The following DPYSL2 variants were observed in gnomAD, a reference collection of about 807,000 sequenced individuals.
The protein encoded by DPYSL2 is dihydropyrimidinase-related protein 2.
A neutral mutation model predicts 69.9 loss-of-function variants in DPYSL2; 13 were observed. The observed-to-expected ratio is 0.19, with a 90% CI of 0.12 to 0.30. DPYSL2 has a LOEUF of 0.30. Among genes scored for constraint, DPYSL2 ranks in the 10% least tolerant of loss-of-function variants. The pLI, the probability that DPYSL2 is intolerant of heterozygous loss-of-function variation, is 1.00. For synonymous variants in DPYSL2, 326 were observed against 359.1 expected (o/e 0.91, Z 1.04); for missense variants, 587 against 918.9 (o/e 0.64, Z 4.67).
Position 26,653,184 on chromosome 8 carries a change from A to T in DPYSL2, c.1777-48A>T, listed in dbSNP as rs1405880610. ...CCTCCAGGAGGGTTTCTAGAGAGGTATCCTCTGTGGCTGTGGCCTGAGCTG... is the reference window on the plus strand; with the variant it reads ...CCTCCAGGAGGGTTTCTAGAGAGGTTTCCTCTGTGGCTGTGGCCTGAGCTG... On this transcript the variant is annotated intron_variant, in intron 12 of 13. Coordinates refer to ENST00000521913, the MANE Select transcript of DPYSL2 (RefSeq NM_001197293.3). The surrounding 1 kb of genome is among the most constrained non-coding windows in gnomAD (Gnocchi z 5.7). 1 of 1,593,592 alleles carries T rather than the reference A, an allele frequency of 6.3e-7. No individual in the cohort carries two copies. The highest frequency in any genetic ancestry group is 8.6e-7 in the Non-Finnish European group (1 of 1,168,214).
At chr8:26,558,923 A>T (rs2129655474) in intron 1 of DPYSL2, among the ~76,000 whole-genome samples, 1 of 152,288 alleles carries the variant, frequency 6.6e-6, no homozygotes, top group African/African-American at 2.4e-5. Flanking sequence ...CATTGTTTTT[A>T]CTATTTTTAA....
At chr8:26,629,825 G>A (rs1802718151) in intron 7 of DPYSL2, among the ~76,000 whole-genome samples, 1 of 152,154 alleles carries the variant, frequency 6.6e-6, no homozygotes, top group Admixed American at 6.5e-5. Flanking sequence ...GAACTCCTGG[G>A]CTCAAGCTAT....
At position 26,641,579 on chromosome 8, in the gene DPYSL2, G is replaced by A. The variant is rs1803047782; in HGVS notation, c.1127-1860G>A. Among the ~76,000 whole-genome samples, 1 of 152,242 alleles carries A rather than the reference G, an allele frequency of 6.6e-6. No individual in the cohort carries two copies. Among genetic ancestry groups the A allele is most frequent in the South Asian group, 2.1e-4 (1 of 4,836 alleles). ...ATGTGGTGTTTTTCCACTTCGGGAT[G>A]AACCGGAGTGGTTTGTGCAGCCACC... On this transcript the variant is annotated intron_variant, in intron 8 of 13. Transcript: ENST00000521913. The surrounding 1 kb of genome is among the most constrained non-coding windows in gnomAD (Gnocchi z 4.1).
Position 26,647,354 on chromosome 8 carries a change from C to G in DPYSL2, c.1426-276C>G, listed in dbSNP as rs921178401. Among the ~76,000 whole-genome samples, 1 of 152,152 alleles carries G rather than the reference C, an allele frequency of 6.6e-6. No individual in the cohort carries two copies. The highest frequency in any genetic ancestry group is 1.5e-5 in the Non-Finnish European group (1 of 68,028). On this transcript the variant is annotated intron_variant, in intron 10 of 13. Transcript: ENST00000521913. The surrounding 1 kb of genome is among the most constrained non-coding windows in gnomAD (Gnocchi z 5.1). ...TCTAGTCCAGCATTTCAGAGACCAA[C>G]CTCTTGCTGCTCCTCCCCTCCACCC...
rs147069060 is a variant in DPYSL2 at position 26,634,839 on chromosome 8, G to T, written c.1065G>T (p.Leu355=). 1.3e-4 allele frequency: 214 copies of T among 1,614,230 alleles called. No homozygotes were observed. The African/African-American group carries it at 2.6e-3, about 20-fold the overall frequency. The part of the protein sequence containing the change: ...ITIANQTNCP[L]YITKVMSKSS... Reference sequence around the variant, plus strand: ...TCGCCAACCAGACCAACTGCCCGCTGTATATCACCAAGGTGATGAGCAAAA... The same window carrying T: ...TCGCCAACCAGACCAACTGCCCGCTTTATATCACCAAGGTGATGAGCAAAA... Residue 355 remains leucine (L), a synonymous_variant, in exon 8 of 14, where the codon CTG becomes CTT. Coordinates refer to ENST00000521913, the MANE Select transcript of DPYSL2 (RefSeq NM_001197293.3).
At chr8:26,611,237 G>A (rs917030235) in intron 3 of DPYSL2, among the ~76,000 whole-genome samples, 1 of 152,242 alleles carries the variant, frequency 6.6e-6, no homozygotes, top group South Asian at 2.1e-4. Flanking sequence ...AAAGTTCCCA[G>A]GGGACAGTTA....
Position 26,624,068 on chromosome 8 carries a change from C to G in DPYSL2, c.629-75C>G, listed in dbSNP as rs1033740476. On this transcript the variant is annotated intron_variant, in intron 3 of 13. Coordinates refer to ENST00000521913, the MANE Select transcript of DPYSL2 (RefSeq NM_001197293.3). This position sits in a 1 kb window ranked among gnomAD's most constrained non-coding sequence, Gnocchi z 4.7. ...AACCCAAGAAGCCTTATTCAGGGTT[C>G]AAGTGGGAAAATACCTGCTGGCCCA... 5 of 1,542,932 alleles carry G rather than the reference C, an allele frequency of 3.2e-6. No individual in the cohort carries two copies. The highest frequency in any genetic ancestry group is 4.4e-6 in the Non-Finnish European group (5 of 1,129,238).
intron 3 of DPYSL2, among the ~76,000 whole-genome samples, chr8:26,615,033 G>A (rs1008323402): frequency 6.6e-6 from 1 of 152,242 alleles, no homozygotes; most frequent in African/African-American, 2.4e-5. Flanking sequence ...CCACCATCCA[G>A]AGTTCTGCCA....
intron 1 of DPYSL2, among the ~76,000 whole-genome samples, chr8:26,572,403 T>G (rs1159774979): frequency 6.6e-6 from 1 of 152,230 alleles, no homozygotes; most frequent in Non-Finnish European, 1.5e-5. Flanking sequence ...TGCAAAGGGC[T>G]GGCTGGGTGC....
chr8:26,632,383 G>A (rs560589501), intron 7 of DPYSL2, among the ~76,000 whole-genome samples: 2 of 152,350 alleles, frequency 1.3e-5, no homozygotes, highest in East Asian at 3.9e-4. Flanking sequence ...GCTCTGAGCT[G>A]TAAGACTGAT....
intron 7 of DPYSL2, 51 bp from the exon 8 acceptor site, chr8:26,634,729 G>A (rs1336914118): frequency 1.2e-6 from 2 of 1,612,090 alleles, no homozygotes; most frequent in Non-Finnish European, 1.7e-6. Context: ...AAAGGTAGCG[G>A]CTCGTGGGGT....
At chr8:26,594,850 C>T (rs1472795355) in intron 3 of DPYSL2, among the ~76,000 whole-genome samples, 1 of 152,068 alleles carries the variant, frequency 6.6e-6, no homozygotes, top group Non-Finnish European at 1.5e-5. Context: ...CATGAGTTTG[C>T]GTTTTGAACA....
chr8:26,572,692 G>A (rs1410327163), intron 1 of DPYSL2, among the ~76,000 whole-genome samples: 3 of 152,072 alleles, frequency 2.0e-5, no homozygotes, highest in Non-Finnish European at 2.9e-5. Context: ...TAGAGATGGG[G>A]TTTCTCCATG....
rs1801633044 is a variant in DPYSL2 at position 26,587,510 on chromosome 8, T to C, written c.628+3527T>C. 6.6e-6 allele frequency among the ~76,000 whole-genome samples: 1 copy of C among 152,158 alleles called. No individual in the cohort carries two copies. Among genetic ancestry groups the C allele is most frequent in the African/African-American group, 2.4e-5 (1 of 41,438 alleles). On this transcript the variant is annotated intron_variant, in intron 3 of 13. Transcript: ENST00000521913. The surrounding 1 kb of genome is among the most constrained non-coding windows in gnomAD (Gnocchi z 4.2). ...CAGGCCCTGGAGACTCCTTTCTGTC[T>C]GAAATGGCGCCGCATGTAGAGGAAA...
At chr8:26,556,261 C>CTATATATATACTATA (rs1330768618) in intron 1 of DPYSL2, among the ~76,000 whole-genome samples, 2 of 2,538 alleles carry the variant, frequency 7.9e-4, no homozygotes, top group Non-Finnish European at 1.2e-3. Flanking sequence ...TATATATATA[C>CTATATATATACTATA]TATAGTATAT....
At chr8:26,553,381 C>T (rs1408825614) in intron 1 of DPYSL2, among the ~76,000 whole-genome samples, 1 of 152,074 alleles carries the variant, frequency 6.6e-6, no homozygotes, top group Non-Finnish European at 1.5e-5. Flanking sequence ...CTCCTCCCAC[C>T]CTCCATCCTT....
In DPYSL2 at chr8:26,627,677, T is replaced by C. The variant is rs1355958812; in HGVS notation, c.937-195T>C. Among the ~76,000 whole-genome samples, 1 of 152,214 alleles carries C rather than the reference T, an allele frequency of 6.6e-6. No individual in the cohort carries two copies. The highest frequency in any genetic ancestry group is 2.4e-5 in the African/African-American group (1 of 41,460). ...CTGAATGGGTTTTGGGAGGCTGTAA[T>C]TGATCCATCCTGCTCAGGCGGGACT... On this transcript the variant is annotated intron_variant, in intron 6 of 13. Coordinates refer to ENST00000521913, the MANE Select transcript of DPYSL2 (RefSeq NM_001197293.3). The surrounding 1 kb of genome is among the most constrained non-coding windows in gnomAD (Gnocchi z 6.9).
At chr8:26,531,618 C>T (rs1387701699) in intron 1 of DPYSL2, among the ~76,000 whole-genome samples, 1 of 152,150 alleles carries the variant, frequency 6.6e-6, no homozygotes, top group African/African-American at 2.4e-5. Flanking sequence ...TAGACAGAAC[C>T]TCTGTTCCAC....
intron 3 of DPYSL2, among the ~76,000 whole-genome samples, chr8:26,611,300 T>C (rs1017624985): frequency 2.6e-5 from 4 of 152,220 alleles, no homozygotes; most frequent in African/African-American, 9.6e-5. Flanking sequence ...ACTGGCTCTC[T>C]AGCATTTCTT....
Sources: allele counts gnomAD v4.1 joint callset (sites outside exome capture counted in the v4.1 genomes callset), GRCh38; gene constraint gnomAD v4.1.1; non-coding constraint Gnocchi (gnomAD v3.1); transcripts MANE v1.5; gene names NCBI Gene and HGNC (gene_info 2026-07-23, HGNC 2026-07-21).